Variants in ALK observed in about 807,000 individuals in gnomAD.
ALK encodes ALK receptor tyrosine kinase, also known as ALK tyrosine kinase receptor.
In ALK, 74 loss-of-function variants were observed where a neutral mutation model predicts 163.1. The observed-to-expected ratio is 0.45, with a 90% CI of 0.38 to 0.55. ALK has a LOEUF of 0.55. Ranked by LOEUF, ALK falls within the 20% of genes least tolerant of loss-of-function variation. The pLI, the probability that ALK is intolerant of heterozygous loss-of-function variation, is 0.00. For synonymous variants in ALK, 960 were observed against 843.2 expected (o/e 1.14, Z -2.40); for missense variants, 2,063 against 2,105.3 (o/e 0.98, Z 0.39).
chr2:29,462,192 C>A (rs2148103463), intron 4 of ALK, among the ~76,000 whole-genome samples: 1 of 152,176 alleles, frequency 6.6e-6, no homozygotes, highest in East Asian at 1.9e-4. Context: ...CGAATCTATT[C>A]TTGGTGAAGA....
chr2:29,447,430 T>A (rs1279124134), intron 4 of ALK, among the ~76,000 whole-genome samples: 2 of 152,164 alleles, frequency 1.3e-5, no homozygotes. Flanking sequence ...GGAAATTATT[T>A]TGAGCAGCAC....
chr2:29,786,826 C>T (rs943467399), intron 1 of ALK, among the ~76,000 whole-genome samples: 1 of 151,982 alleles, frequency 6.6e-6, no homozygotes, highest in Non-Finnish European at 1.5e-5. Flanking sequence ...GAGTGTTGCT[C>T]TGTAGCCCAG....
chr2:29,717,217 G>T (rs3113353), intron 2 of ALK, among the ~76,000 whole-genome samples: 1 of 148,380 alleles, frequency 6.7e-6, no homozygotes, highest in Non-Finnish European at 1.5e-5. Context: ...GTGATTGCTA[G>T]AAACACTGTG....
At chr2:29,571,721 AT>A (rs888522691) in intron 3 of ALK, among the ~76,000 whole-genome samples, 2 of 143,310 alleles carry the variant, frequency 1.4e-5, no homozygotes, top group Non-Finnish European at 3.0e-5. Context: ...GGTTCAAGCG[AT>A]TCTTCTGCCT....
At chr2:29,424,775 G>A (rs1670095815) in intron 4 of ALK, among the ~76,000 whole-genome samples, 1 of 152,160 alleles carries the variant, frequency 6.6e-6, no homozygotes, top group South Asian at 2.1e-4. Flanking sequence ...AAGACACTTG[G>A]TTTGTGTTCT....
At chr2:29,420,856 TAA>T (rs1002707025) in intron 4 of ALK, among the ~76,000 whole-genome samples, 2 of 151,490 alleles carry the variant, frequency 1.3e-5, no homozygotes, top group African/African-American at 2.5e-5. Flanking sequence ...GCCTGTTATT[TAA>T]AAAGTCTGGA....
chr2:29,563,787 G>T (rs1210528628), intron 3 of ALK, among the ~76,000 whole-genome samples: 3 of 152,190 alleles, frequency 2.0e-5, no homozygotes, highest in Non-Finnish European at 4.4e-5. Flanking sequence ...ACAAGGATGA[G>T]AATAGTCCCT....
intron 3 of ALK, among the ~76,000 whole-genome samples, chr2:29,652,814 A>G (rs778608949): frequency 1.2e-4 from 18 of 152,124 alleles, no homozygotes; most frequent in Non-Finnish European, 2.5e-4. Context: ...CAGAGAGGGC[A>G]TGGGAGCACC....
At chr2:29,744,907 C>T (rs1680169265) in intron 1 of ALK, among the ~76,000 whole-genome samples, 1 of 152,114 alleles carries the variant, frequency 6.6e-6, no homozygotes, top group Non-Finnish European at 1.5e-5. Flanking sequence ...ACTCATCAGG[C>T]ATGAGTGACC....
chr2:29,844,039 C>G (rs1665773586), intron 1 of ALK, among the ~76,000 whole-genome samples: 1 of 152,162 alleles, frequency 6.6e-6, no homozygotes, highest in Non-Finnish European at 1.5e-5. Flanking sequence ...GATGGATAAT[C>G]TGACATATAG....
chr2:29,881,950 C>T (rs1666879781), intron 1 of ALK, among the ~76,000 whole-genome samples: 1 of 152,154 alleles, frequency 6.6e-6, no homozygotes, highest in Non-Finnish European at 1.5e-5. Flanking sequence ...AAGGAGCCTG[C>T]AGAATGGGGT....
chr2:29,375,068 A>G (rs1668722984), intron 5 of ALK, among the ~76,000 whole-genome samples: 1 of 152,122 alleles, frequency 6.6e-6, no homozygotes, highest in African/African-American at 2.4e-5. Flanking sequence ...TAACATCACA[A>G]AGCTCTGCAG....
intron 3 of ALK, among the ~76,000 whole-genome samples, chr2:29,621,518 C>G (rs930261045): frequency 6.6e-6 from 1 of 152,092 alleles, no homozygotes; most frequent in African/African-American, 2.4e-5. Flanking sequence ...ATGTAGAAGG[C>G]AAGATGAAGG....
intron 1 of ALK, among the ~76,000 whole-genome samples, chr2:29,774,977 T>C (rs1052721607): frequency 1.3e-5 from 2 of 152,172 alleles, no homozygotes; most frequent in African/African-American, 4.8e-5. Flanking sequence ...AAGAATAGAT[T>C]TCTTTGTGGA....
At chr2:29,298,631 G>A (rs182585649) in intron 8 of ALK, among the ~76,000 whole-genome samples, 155 of 151,992 alleles carry the variant, frequency 1.0e-3, no homozygotes, top group African/African-American at 3.5e-3. Flanking sequence ...ACTCTCCCTC[G>A]CATACTGACA....
intron 3 of ALK, among the ~76,000 whole-genome samples, chr2:29,652,295 C>T (rs1466670007): frequency 6.6e-6 from 1 of 151,832 alleles, no homozygotes; most frequent in Non-Finnish European, 1.5e-5. Context: ...GGTCTGCTGC[C>T]CATAGTGAAA....
intron 3 of ALK, among the ~76,000 whole-genome samples, chr2:29,687,867 T>C (rs1678283918): frequency 6.6e-6 from 1 of 152,224 alleles, no homozygotes; most frequent in African/African-American, 2.4e-5. Context: ...AGGTATACTA[T>C]ATTTTATTTA....
chr2:29,718,921 C>T (rs973383556), intron 1 of ALK, among the ~76,000 whole-genome samples: 1 of 152,198 alleles, frequency 6.6e-6, no homozygotes, highest in African/African-American at 2.4e-5. Flanking sequence ...GGCATTTTCC[C>T]AGTCTGCCTG....
chr2:29,761,422 G>A (rs1485994434), intron 1 of ALK, among the ~76,000 whole-genome samples: 2 of 152,162 alleles, frequency 1.3e-5, no homozygotes, highest in Non-Finnish European at 2.9e-5. Context: ...GGCTGGAGGA[G>A]CAAACTCTCC....
Sources: gnomAD v4.1 joint callset for allele counts (sites outside exome capture counted in the v4.1 genomes callset) on GRCh38, gnomAD v4.1.1 for gene constraint, MANE v1.5 for transcripts, NCBI Gene and HGNC (gene_info 2026-07-23, HGNC 2026-07-21) for gene names.